DGKI: variants seen among roughly 807,000 people sequenced by gnomAD.
The protein encoded by DGKI is diacylglycerol kinase iota, also known as DAG kinase iota.
In DGKI, 55 loss-of-function variants were observed where a neutral mutation model predicts 147.5. The ratio of observed to expected loss-of-function variants is 0.37; its 90% confidence interval spans 0.30 to 0.47. The LOEUF (loss-of-function observed/expected upper bound fraction) is 0.47. Ranked by LOEUF, DGKI falls within the 20% of genes least tolerant of loss-of-function variation. The probability of loss-of-function intolerance (pLI) is 1.00; values close to 1 mark genes in which losing one functional copy is unlikely to be tolerated. For synonymous variants in DGKI, 469 were observed against 477.1 expected (o/e 0.98, Z 0.22); for missense variants, 1,007 against 1,323.8 (o/e 0.76, Z 3.71).
At chr7:137,578,104 C>T (rs1819052063) in intron 16 of DGKI, among the ~76,000 whole-genome samples, 166 bp downstream of exon 16, 1 of 152,184 alleles carries the variant, frequency 6.6e-6, no homozygotes. Flanking sequence ...TTAAGAAATA[C>T]ACCTCACTTT....
intron 3 of DGKI, among the ~76,000 whole-genome samples, chr7:137,665,698 C>T (rs906695997): frequency 6.6e-6 from 1 of 152,034 alleles, no homozygotes; most frequent in African/African-American, 2.4e-5. Flanking sequence ...CATGACCTCC[C>T]GAGAGACCTA....
chr7:137,810,027 A>T (rs1283055905), intron 1 of DGKI, among the ~76,000 whole-genome samples: 1 of 152,194 alleles, frequency 6.6e-6, no homozygotes, highest in Non-Finnish European at 1.5e-5. Context: ...CACAGCCAAG[A>T]GCCTCATATA....
In DGKI at chr7:137,389,032, A is replaced by T. The variant is rs1434566366; in HGVS notation, c.*2188T>A. On this transcript the variant is annotated 3_prime_UTR_variant, in exon 33 of 33. Coordinates refer to ENST00000614521, the MANE Select transcript of DGKI (RefSeq NM_001321708.2). The stretch of plus-strand genomic sequence containing the variant: ...TTCATCCCAACAGTAACAGCTAGAT[A>T]ACTGACTGCTTGGCCAAACATTTGA... The T allele has an allele frequency of 6.6e-6, 1 of 152,194 alleles. No individual in the cohort carries two copies. The highest frequency in any genetic ancestry group is 1.5e-5 in the Non-Finnish European group (1 of 68,016). 9.4% of individuals were successfully genotyped at this position (152,194 alleles called of 1,614,324 possible). A position where few individuals can be genotyped will look rare whatever the true frequency, so the allele number is the denominator to read the frequency against.
chr7:137,612,439 G>A (rs1820396750), intron 8 of DGKI, among the ~76,000 whole-genome samples: 2 of 151,922 alleles, frequency 1.3e-5, no homozygotes, highest in Admixed American at 6.6e-5. Context: ...TAAATAGTAG[G>A]AATTTCACAG....
chr7:137,523,551 T>A (rs1440889825), intron 20 of DGKI, among the ~76,000 whole-genome samples: 1 of 152,018 alleles, frequency 6.6e-6, no homozygotes, highest in Non-Finnish European at 1.5e-5. Flanking sequence ...CAGGTAAAAA[T>A]GTCTGAGGTT....
At chr7:137,443,944 C>T (rs2128917370) in intron 28 of DGKI, 133 bp downstream of exon 28, 2 of 721,722 alleles carry the variant, frequency 2.8e-6, no homozygotes, top group Non-Finnish European at 4.5e-6. Context: ...TTTGACATTT[C>T]ACATTCAAAA....
intron 11 of DGKI, among the ~76,000 whole-genome samples, chr7:137,598,981 G>A (rs1326230565): frequency 6.6e-6 from 1 of 152,064 alleles, no homozygotes; most frequent in Non-Finnish European, 1.5e-5. Context: ...TTCCTAATCT[G>A]CATGCTTAAA....
At chr7:137,838,921 G>A (rs2117100540) in intron 1 of DGKI, among the ~76,000 whole-genome samples, 1 of 152,324 alleles carries the variant, frequency 6.6e-6, no homozygotes. Context: ...GCCGGCCATT[G>A]TCTGTATGTA....
intron 22 of DGKI, among the ~76,000 whole-genome samples, chr7:137,486,315 C>T (rs113793785): frequency 7.0e-4 from 106 of 152,096 alleles, no homozygotes; most frequent in African/African-American, 1.7e-3. Flanking sequence ...TATTATTCTA[C>T]TGTGAAGTCT....
chr7:137,679,637 A>C (rs1823162052), intron 2 of DGKI, among the ~76,000 whole-genome samples: 1 of 152,106 alleles, frequency 6.6e-6, no homozygotes, highest in Non-Finnish European at 1.5e-5. Context: ...TCAGATGTAC[A>C]TGGGCATGTA....
At chr7:137,573,959 C>T (rs1452662585) in intron 17 of DGKI, among the ~76,000 whole-genome samples, 4 of 152,342 alleles carry the variant, frequency 2.6e-5, no homozygotes, top group East Asian at 1.9e-4. Flanking sequence ...ATGTCAAAGG[C>T]GTAAAGCCTG....
At chr7:137,709,355 T>G (rs1585395319) in intron 1 of DGKI, among the ~76,000 whole-genome samples, 1 of 152,162 alleles carries the variant, frequency 6.6e-6, no homozygotes, top group Admixed American at 6.5e-5. Flanking sequence ...ACAGTATACA[T>G]ACATTTATAT....
intron 3 of DGKI, among the ~76,000 whole-genome samples, chr7:137,672,764 GTCTTTTTTTTTTTT>G (rs1231694490): frequency 1.1e-4 from 12 of 106,704 alleles, no homozygotes; most frequent in South Asian, 6.8e-4. Context: ...GTCTCTGTGT[GTCTTTTTTTTTTTT>G]TTTTTTTTTT....
chr7:137,720,591 G>C (rs747310714), intron 1 of DGKI, among the ~76,000 whole-genome samples: 8 of 152,048 alleles, frequency 5.3e-5, no homozygotes, highest in African/African-American at 9.7e-5. Flanking sequence ...TAATTTGCCA[G>C]GTGGGATTTT....
At chr7:137,524,689 T>C (rs73449424) in intron 20 of DGKI, among the ~76,000 whole-genome samples, 9,135 of 152,140 alleles carry the variant, frequency 0.06, 683 homozygotes, top group African/African-American at 0.18. Context: ...CCATAGAATG[T>C]AGTGGCCTAT....
intron 6 of DGKI, among the ~76,000 whole-genome samples, chr7:137,627,282 G>T (rs1232648035): frequency 6.6e-6 from 1 of 152,136 alleles, no homozygotes; most frequent in Non-Finnish European, 1.5e-5. Flanking sequence ...ATTATAAATA[G>T]CTGCCCTATG....
rs115548162 is a variant in DGKI, at chr7:137,513,746, C to T, written c.2248+8120G>A. On this transcript the variant is annotated intron_variant, in intron 21 of 32. Transcript: ENST00000614521. ...TACTGAATACTGCAGGCAATTGTAA[C>T]ACAATGGCATTTGGGTATCTAAAAT... The T allele has an allele frequency of 2.7e-3, 1,328 of 485,306 alleles. 17 individuals are homozygous for T. Among genetic ancestry groups the T allele is most frequent in the African/African-American group, 0.024 (1,210 of 50,940 alleles). The allele number at this position is 485,306 out of a possible 1,614,324, so 30.1% of individuals were successfully genotyped here. A position where few individuals can be genotyped will look rare whatever the true frequency, so the allele number is the denominator to read the frequency against.
At chr7:137,540,275 A>G (rs1817644913) in intron 20 of DGKI, among the ~76,000 whole-genome samples, 1 of 152,246 alleles carries the variant, frequency 6.6e-6, no homozygotes, top group African/African-American at 2.4e-5. Flanking sequence ...TTTCTCCCTA[A>G]TATCAGAAAG....
rs888225487 is a variant in DGKI at position 137,714,980 on chromosome 7, A to T, written c.402-24978T>A. On this transcript the variant is annotated intron_variant, in intron 1 of 32. Transcript: ENST00000614521. The stretch of plus-strand genomic sequence containing the variant: ...TTAGCTTCTAGGCATTCATATTGTT[A>T]TCCTCCATCCCTCCTTCCTAATCAG... Among the ~76,000 whole-genome samples the T allele has an allele frequency of 5.5e-4, 83 of 152,042 alleles. 6 individuals are homozygous for T. The highest frequency in any genetic ancestry group is 2.4e-5 in the African/African-American group (1 of 41,376).
Sources: allele counts gnomAD v4.1 joint callset (sites outside exome capture counted in the v4.1 genomes callset), GRCh38; gene constraint gnomAD v4.1.1; transcripts MANE v1.5; gene names NCBI Gene and HGNC (gene_info 2026-07-23, HGNC 2026-07-21).